LAMTOR1: variants seen among roughly 807,000 people sequenced by gnomAD.
LAMTOR1 encodes ragulator complex protein LAMTOR1.
A neutral mutation model predicts 20.5 loss-of-function variants in LAMTOR1; 8 were observed. That is an observed-to-expected ratio of 0.39 (90% confidence interval 0.23 to 0.70). The LOEUF is 0.70. Ranked by LOEUF, LAMTOR1 falls within the 30% of genes least tolerant of loss-of-function variation. The probability of loss-of-function intolerance (pLI) is 0.43; values close to 1 mark genes in which losing one functional copy is unlikely to be tolerated. For missense variants in LAMTOR1, 135 were observed against 206.2 expected (o/e 0.65, Z 2.11); for synonymous variants, 77 against 80.9 (o/e 0.95, Z 0.26).
intron 1 of LAMTOR1, among the ~76,000 whole-genome samples, chr11:72,102,522 G>T (rs534538644): frequency 6.6e-6 from 1 of 152,322 alleles, no homozygotes; most frequent in South Asian, 2.1e-4. Context: ...CTGCACTGAG[G>T]CAAGCCAAAC....
chr11:72,098,224 G>A (rs1193697513), intron 4 of LAMTOR1, 65 bp downstream of exon 4: 4 of 1,591,386 alleles, frequency 2.5e-6, no homozygotes, highest in African/African-American at 1.3e-5. Flanking sequence ...CAGAGTGGGT[G>A]AACCCTCTGC....
intron 3 of LAMTOR1, 23 bp from the exon 4 acceptor site, chr11:72,098,438 G>A: frequency 6.2e-7 from 1 of 1,601,910 alleles, no homozygotes; most frequent in South Asian, 1.1e-5. Flanking sequence ...GAGGGGGTGG[G>A]GGTAGGCAGT....
intron 3 of LAMTOR1, 87 bp downstream of exon 3, chr11:72,098,694 G>T: frequency 9.7e-7 from 1 of 1,027,268 alleles, no homozygotes; most frequent in South Asian, 1.7e-5. Context: ...GAGAAGCTTG[G>T]ACTAGGGGCC....
rs1945319449 is a variant in LAMTOR1, at chr11:72,098,520, A to C, written c.267-105T>G. ...AGGCCAGAGAAGCAGGGTGTCGAGG[A>C]GGGGTATCTGGGAGGGAAGGTCTCA... On this transcript the variant is annotated intron_variant, in intron 3 of 4. Coordinates refer to ENST00000278671, the MANE Select transcript of LAMTOR1 (RefSeq NM_017907.3). 7 of 1,381,736 alleles carry C rather than the reference A, an allele frequency of 5.1e-6. No homozygotes were observed. In the Admixed American group the frequency reaches 1.6e-4, roughly 31 times the overall value. 85.6% of individuals were successfully genotyped at this position (1,381,736 alleles called of 1,614,324 possible). A position where few individuals can be genotyped will look rare whatever the true frequency, so the allele number is the denominator to read the frequency against.
intron 1 of LAMTOR1, among the ~76,000 whole-genome samples, chr11:72,101,815 G>A (rs1386812247): frequency 3.3e-5 from 5 of 152,150 alleles, no homozygotes; most frequent in Non-Finnish European, 7.4e-5. Context: ...AGCAGGCCCA[G>A]CTCTCCCTTC....
intron 3 of LAMTOR1, 117 bp from the exon 4 acceptor site, chr11:72,098,532 G>A: frequency 7.7e-7 from 1 of 1,291,164 alleles, no homozygotes; most frequent in Non-Finnish European, 1.1e-6. Flanking sequence ...GGGTATCTGG[G>A]AGGGAAGGTC....
chr11:72,097,388 A>G lies in LAMTOR1; in HGVS notation c.*434T>C. On this transcript the variant is annotated 3_prime_UTR_variant, in exon 5 of 5. Coordinates refer to ENST00000278671, the MANE Select transcript of LAMTOR1 (RefSeq NM_017907.3). ...GGTTCTAGAAATACAAACTCAATTC[A>G]TTCAAATTCAAGCTCATCCAGACCC... 5.0e-6 allele frequency: 5 copies of G among 1,000,036 alleles called. No homozygotes were observed. The highest frequency in any genetic ancestry group is 6.0e-6 in the Non-Finnish European group (5 of 838,188). 61.9% of individuals were successfully genotyped at this position (1,000,036 alleles called of 1,614,324 possible).
chr11:72,098,424 G>A lies in LAMTOR1; in HGVS notation c.267-9C>T, dbSNP rs375386648. 39 of 1,606,984 alleles carry A rather than the reference G, an allele frequency of 2.4e-5. No individual in the cohort carries two copies. Among genetic ancestry groups the A allele is most frequent in the Non-Finnish European group, 3.3e-5 (39 of 1,177,404 alleles). On this transcript the variant is annotated splice_polypyrimidine_tract_variant and intron_variant, in intron 3 of 4. Coordinates refer to ENST00000278671, the MANE Select transcript of LAMTOR1 (RefSeq NM_017907.3). ...GCACAGCCAAGCGGGTGCTGACCAA[G>A]AGAGAGGGGGTGGGGGTAGGCAGTT...
chr11:72,100,511 G>A (rs76397586), intron 1 of LAMTOR1: 4 of 152,248 alleles, frequency 2.6e-5, no homozygotes, highest in Non-Finnish European at 4.4e-5. Context: ...CTTGCTTGCT[G>A]TATCAGCAGT....
At chr11:72,099,655 G>C (rs1945367687) in intron 1 of LAMTOR1, among the ~76,000 whole-genome samples, 1 of 152,188 alleles carries the variant, frequency 6.6e-6, no homozygotes, top group South Asian at 2.1e-4. Flanking sequence ...CAAGTCAAGA[G>C]CCCAAGAACA....
chr11:72,102,503 C>T (rs1380771667), intron 1 of LAMTOR1, among the ~76,000 whole-genome samples: 1 of 152,216 alleles, frequency 6.6e-6, no homozygotes, highest in Non-Finnish European at 1.5e-5. Flanking sequence ...CCCTCAGGCC[C>T]CAGGCAGACT....
chr11:72,099,008 G>T, intron 2 of LAMTOR1, 103 bp downstream of exon 2: 1 of 1,496,250 alleles, frequency 6.7e-7, no homozygotes, highest in Non-Finnish European at 9.1e-7. Context: ...CCTCTCCCCA[G>T]TGACCTTGTC....
chr11:72,098,613 A>T (rs1945323071), intron 3 of LAMTOR1, 168 bp downstream of exon 3: 1 of 805,490 alleles, frequency 1.2e-6, no homozygotes. Flanking sequence ...TCACAGGGTA[A>T]ACAGGGCTGA....
chr11:72,097,887 T>C lies in LAMTOR1; in HGVS notation c.421A>G (p.Ser141Gly). The change falls in exon 5 of 5, where the codon AGT (serine) becomes GGT (glycine). Residue 141 changes from serine (S) to glycine (G), a missense_variant. By Grantham distance (56) the Ser-to-Gly change is moderately conservative. Transcript: ENST00000278671. ...TCCACACGGATCTGAGAAAGTGCAC[T>C]GTAGGCATAAGCAGCTATCCTGGAG... ...QVSRIAAYAYSALSQIRVDAK... is the reference protein window; with the variant it reads ...QVSRIAAYAYGALSQIRVDAK... The C allele has an allele frequency of 1.2e-6, 2 of 1,608,160 alleles. No individual in the cohort carries two copies. Among genetic ancestry groups the C allele is most frequent in the Non-Finnish European group, 1.7e-6 (2 of 1,175,758 alleles).
At position 72,102,053 on chromosome 11, in the gene LAMTOR1, G is replaced by A. The variant is rs114299122; in HGVS notation, c.42+1130C>T. 3.8e-3 allele frequency among the ~76,000 whole-genome samples: 572 copies of A among 152,310 alleles called. 4 individuals are homozygous for A. Among genetic ancestry groups the A allele is most frequent in the African/African-American group, 0.013 (553 of 41,556 alleles). On this transcript the variant is annotated intron_variant, in intron 1 of 4. Transcript: ENST00000278671. Reference sequence around the variant, plus strand: ...GGAAATATGTGTTCATTGGGTGTATGGAGAATTGAGAACCAGAAGCCACCC... The same window carrying A: ...GGAAATATGTGTTCATTGGGTGTATAGAGAATTGAGAACCAGAAGCCACCC...
intron 1 of LAMTOR1, among the ~76,000 whole-genome samples, chr11:72,102,523 C>T (rs553083891): frequency 6.6e-6 from 1 of 152,342 alleles, no homozygotes; most frequent in South Asian, 2.1e-4. Context: ...TGCACTGAGG[C>T]AAGCCAAACT....
At chr11:72,101,977 GGAAGT>G (rs1477345918) in intron 1 of LAMTOR1, among the ~76,000 whole-genome samples, 1 of 152,168 alleles carries the variant, frequency 6.6e-6, no homozygotes, top group Non-Finnish European at 1.5e-5. Context: ...TCAAAAAGGT[GGAAGT>G]GAAGTGAGAG....
At chr11:72,100,635 A>G (rs1329430872) in intron 1 of LAMTOR1, 1 of 152,244 alleles carries the variant, frequency 6.6e-6, no homozygotes, top group Admixed American at 6.5e-5. Flanking sequence ...TGACTCACCA[A>G]CCTTCAGTGC....
chr11:72,098,536 G>A, intron 3 of LAMTOR1, 121 bp from the exon 4 acceptor site: 1 of 1,251,154 alleles, frequency 8.0e-7, no homozygotes, highest in South Asian at 1.5e-5. Flanking sequence ...ATCTGGGAGG[G>A]AAGGTCTCAG....
Sources: gnomAD v4.1 joint callset for allele counts (sites outside exome capture counted in the v4.1 genomes callset) on GRCh38, gnomAD v4.1.1 for gene constraint, MANE v1.5 for transcripts, NCBI Gene and HGNC (gene_info 2026-07-23, HGNC 2026-07-21) for gene names.